The following ZBTB44 variants were observed in gnomAD, a reference collection of about 807,000 sequenced individuals.
ZBTB44 encodes the protein zinc finger and BTB domain-containing protein 44.
Under a neutral mutation model 54.0 loss-of-function variants are expected in ZBTB44, and 15 were observed. The observed-to-expected ratio is 0.28, with a 90% CI of 0.19 to 0.43. The LOEUF (loss-of-function observed/expected upper bound fraction) is 0.43. ZBTB44 is among the 20% of genes least tolerant of loss of function. The pLI, the probability that ZBTB44 is intolerant of heterozygous loss-of-function variation, is 1.00. For missense variants in ZBTB44, 487 were observed against 707.1 expected, an observed-to-expected ratio of 0.69 and a Z score of 3.53; for synonymous variants, 230 against 250.1, an observed-to-expected ratio of 0.92 and a Z score of 0.76.
chr11:130,254,407 GGGA>G (rs1207343888), intron 2 of ZBTB44, among the ~76,000 whole-genome samples: 1 of 152,162 alleles, frequency 6.6e-6, no homozygotes, highest in East Asian at 1.9e-4. Context: ...ATCAGAAAGT[GGGA>G]GAAGGATATG....
intron 3 of ZBTB44, 111 bp from the exon 4 acceptor site, chr11:130,238,718 A>G: frequency 8.6e-7 from 1 of 1,164,876 alleles, no homozygotes; most frequent in Non-Finnish European, 1.1e-6. Flanking sequence ...AGACTTTTTG[A>G]AACAGTTTAA....
Position 130,261,692 on chromosome 11 carries a change from A to C in ZBTB44, c.182T>G (p.Val61Gly), listed in dbSNP as rs761337426. 2 of 1,614,056 alleles carry C rather than the reference A, an allele frequency of 1.2e-6. No individual in the cohort carries two copies. Among genetic ancestry groups the C allele is most frequent in the Non-Finnish European group, 8.5e-7 (1 of 1,179,904 alleles). The change falls in exon 2 of 8, where the codon GTA becomes GGA. Residue 61 changes from valine (V) to glycine (G), a missense_variant. Val to Gly is a moderately radical substitution (Grantham distance 109). Transcript: ENST00000357899. The surrounding 1 kb of genome is among the most constrained non-coding windows in gnomAD (Gnocchi z 4.8). ...CTTGTTCTCATCCTCGGCTTGGCCT[A>C]CAAGTTTGGTGCGAAAGAAATCACT... ...ACSDFFRTKLVGQAEDENKNV... is the reference protein window; with the variant it reads ...ACSDFFRTKLGGQAEDENKNV...
intron 1 of ZBTB44, among the ~76,000 whole-genome samples, chr11:130,300,558 G>A (rs1012975519): frequency 4.6e-5 from 7 of 152,052 alleles, no homozygotes; most frequent in South Asian, 2.1e-4. Context: ...AAGTGAAGGC[G>A]GGGTATCAGA....
chr11:130,268,222 T>A (rs796610275), intron 1 of ZBTB44, among the ~76,000 whole-genome samples: 5,340 of 128,564 alleles, frequency 0.042, 264 homozygotes, highest in African/African-American at 0.12. Context: ...ACGTCTAATT[T>A]AAAAAAAAAA....
At chr11:130,247,352 T>C (rs1281711753) in intron 2 of ZBTB44, among the ~76,000 whole-genome samples, 1 of 152,208 alleles carries the variant, frequency 6.6e-6, no homozygotes, top group East Asian at 1.9e-4. Context: ...AAAATCCCTT[T>C]TGAGGTGCCA....
intron 1 of ZBTB44, among the ~76,000 whole-genome samples, chr11:130,270,390 T>C (rs758046473): frequency 2.0e-5 from 3 of 152,252 alleles, no homozygotes; most frequent in Non-Finnish European, 4.4e-5. Context: ...CTTGTCTGTA[T>C]TGGCTTTTAT....
chr11:130,256,141 A>C (rs548157092), intron 2 of ZBTB44, among the ~76,000 whole-genome samples: 20 of 152,160 alleles, frequency 1.3e-4, no homozygotes, highest in Non-Finnish European at 2.6e-4. Context: ...ACAACACAAA[A>C]AAAGAAAATA....
intron 1 of ZBTB44, among the ~76,000 whole-genome samples, chr11:130,288,395 AT>A (rs1481010532): frequency 2.0e-5 from 3 of 151,560 alleles, no homozygotes; most frequent in African/African-American, 7.3e-5. Flanking sequence ...AAATAAATAA[AT>A]AAAATAAAAT....
intron 1 of ZBTB44, among the ~76,000 whole-genome samples, chr11:130,271,077 TG>T (rs761907775): frequency 3.9e-5 from 6 of 152,208 alleles, no homozygotes; most frequent in Non-Finnish European, 7.3e-5. Flanking sequence ...CTCTCGACCC[TG>T]TCCAGTATTG....
At chr11:130,296,118 T>G in intron 1 of ZBTB44, 1 of 1,527,778 alleles carries the variant, frequency 6.5e-7, no homozygotes, top group Non-Finnish European at 9.1e-7. Flanking sequence ...TGCCAACATG[T>G]AGACAGACTA....
intron 1 of ZBTB44, among the ~76,000 whole-genome samples, chr11:130,283,117 T>C (rs2134286951): frequency 6.9e-6 from 1 of 145,178 alleles, no homozygotes; most frequent in Admixed American, 7.2e-5. Context: ...CAACCTTGGC[T>C]CACTGCAACC....
chr11:130,232,691 G>A (rs945956130), intron 7 of ZBTB44: 2 of 152,126 alleles, frequency 1.3e-5, no homozygotes, highest in Non-Finnish European at 2.9e-5. Flanking sequence ...GCTGTCATAT[G>A]GGATTCAGTA....
chr11:130,289,686 T>C (rs753196690), intron 1 of ZBTB44, among the ~76,000 whole-genome samples: 11 of 152,104 alleles, frequency 7.2e-5, no homozygotes, highest in Non-Finnish European at 1.3e-4. Context: ...GGGATCGTTT[T>C]GTTACCATAG....
In ZBTB44 at chr11:130,302,044, C is replaced by T. The variant is rs555458993; in HGVS notation, c.-57+12331G>A. 2.5e-3 allele frequency among the ~76,000 whole-genome samples: 372 copies of T among 146,446 alleles called. 1 individual carries two copies. Among genetic ancestry groups the T allele is most frequent in the African/African-American group, 9.6e-3 (361 of 37,658 alleles). ...TCCAGCCTAGGCGACAGAGGGAGAC[C>T]CTGTCTCAAAAAAAAAAAAAAAAGT... On this transcript the variant is annotated intron_variant, in intron 1 of 7. Transcript: ENST00000357899.
At chr11:130,259,222 C>T (rs1938670659) in intron 2 of ZBTB44, among the ~76,000 whole-genome samples, 1 of 152,152 alleles carries the variant, frequency 6.6e-6, no homozygotes, top group African/African-American at 2.4e-5. Context: ...GGAAAAAACT[C>T]CTTTAAATTT....
chr11:130,282,590 T>A (rs550888392), intron 1 of ZBTB44, among the ~76,000 whole-genome samples: 1 of 152,214 alleles, frequency 6.6e-6, no homozygotes, highest in Non-Finnish European at 1.5e-5. Flanking sequence ...AAGGTTTGAA[T>A]CACAAACTTA....
At chr11:130,272,297 T>C (rs78625733) in intron 1 of ZBTB44, among the ~76,000 whole-genome samples, 1,995 of 152,320 alleles carry the variant, frequency 0.013, 18 homozygotes, top group African/African-American at 0.02. Context: ...TGATTCAACT[T>C]TGTTTCTAGT....
chr11:130,275,271 T>G (rs1281320660), intron 1 of ZBTB44, among the ~76,000 whole-genome samples: 1 of 152,236 alleles, frequency 6.6e-6, no homozygotes, highest in East Asian at 1.9e-4. Context: ...TAAGCACTGC[T>G]ATAACTACAT....
rs186922110 is a variant in ZBTB44 at position 130,299,540 on chromosome 11, G to A, written c.-57+14835C>T. Reference sequence around the variant, plus strand: ...TGCACTCCAGCCTGGGTGACAGAGCGAGACTTCGTCTCGGGGACAAAAAAA... The same window carrying A: ...TGCACTCCAGCCTGGGTGACAGAGCAAGACTTCGTCTCGGGGACAAAAAAA... On this transcript the variant is annotated intron_variant, in intron 1 of 7. Coordinates refer to ENST00000357899, the MANE Select transcript of ZBTB44 (RefSeq NM_001301098.2). Among the ~76,000 whole-genome samples the A allele has an allele frequency of 3.0e-3, 441 of 148,564 alleles. 1 individual carries two copies. Among genetic ancestry groups the A allele is most frequent in the Non-Finnish European group, 4.4e-3 (295 of 67,588 alleles).
Sources: allele counts gnomAD v4.1 joint callset (sites outside exome capture counted in the v4.1 genomes callset), GRCh38; gene constraint gnomAD v4.1.1; non-coding constraint Gnocchi (gnomAD v3.1); transcripts MANE v1.5; gene names NCBI Gene and HGNC (gene_info 2026-07-23, HGNC 2026-07-21).